The following RBMS1 variants were observed in gnomAD, a reference collection of about 807,000 sequenced individuals.
RBMS1 encodes RNA-binding motif, single-stranded-interacting protein 1.
RBMS1 carries 17 observed loss-of-function variants against 62.3 expected under a neutral mutation model. The ratio of observed to expected loss-of-function variants is 0.27; its 90% confidence interval spans 0.19 to 0.41. The LOEUF is 0.41. Among genes scored for constraint, RBMS1 ranks in the 10% least tolerant of loss-of-function variants. The pLI is 1.00. For missense variants in RBMS1, 334 were observed against 504.5 expected, an observed-to-expected ratio of 0.66 and a Z score of 3.24; for synonymous variants, 172 against 170.0, an observed-to-expected ratio of 1.01 and a Z score of -0.09.
chr2:160,455,832 C>T (rs993773908), intron 1 of RBMS1, among the ~76,000 whole-genome samples: 37 of 151,788 alleles, frequency 2.4e-4, no homozygotes, highest in Non-Finnish European at 5.2e-4. Flanking sequence ...TACAGGCGCC[C>T]GCTACCACGC....
intron 1 of RBMS1, among the ~76,000 whole-genome samples, chr2:160,451,757 C>T (rs1048657677): frequency 1.7e-4 from 26 of 151,846 alleles, no homozygotes; most frequent in African/African-American, 9.7e-5. Flanking sequence ...TACAGGTGTG[C>T]GCCACCACTC....
At chr2:160,422,194 T>G (rs576595330) in intron 1 of RBMS1, among the ~76,000 whole-genome samples, 1 of 152,380 alleles carries the variant, frequency 6.6e-6, no homozygotes, top group African/African-American at 2.4e-5. Flanking sequence ...ATTTACCTTC[T>G]TCTAATGCCC....
chr2:160,358,428 T>C (rs1186446450), intron 2 of RBMS1, among the ~76,000 whole-genome samples: 1 of 152,130 alleles, frequency 6.6e-6, no homozygotes. Context: ...TAAGCCCTCA[T>C]TGTGTCATTT....
intron 13 of RBMS1, among the ~76,000 whole-genome samples, chr2:160,275,144 G>A (rs945077974): frequency 1.3e-5 from 2 of 152,194 alleles, no homozygotes; most frequent in Non-Finnish European, 2.9e-5. Flanking sequence ...GCATGGTAAA[G>A]TGAAAAGTTT....
chr2:160,392,780 T>C (rs2105215101), intron 1 of RBMS1, among the ~76,000 whole-genome samples: 1 of 152,108 alleles, frequency 6.6e-6, no homozygotes, highest in East Asian at 1.9e-4. Context: ...CGGTCCCAGC[T>C]ATTTGGGTGG....
intron 6 of RBMS1, among the ~76,000 whole-genome samples, chr2:160,299,512 G>GA (rs75420706): frequency 0.26 from 38,626 of 149,944 alleles, 5,534 homozygotes; most frequent in East Asian, 0.53. Flanking sequence ...CGGCTTTGCT[G>GA]AAAAAAAAAA....
chr2:160,308,266 G>A (rs1452247106), intron 4 of RBMS1, among the ~76,000 whole-genome samples: 2 of 151,996 alleles, frequency 1.3e-5, no homozygotes, highest in Non-Finnish European at 2.9e-5. Context: ...GTGGTAGTGC[G>A]TGCCTGTAGT....
intron 1 of RBMS1, among the ~76,000 whole-genome samples, chr2:160,386,686 G>A (rs1694596419): frequency 6.6e-6 from 1 of 152,136 alleles, no homozygotes; most frequent in South Asian, 2.1e-4. Flanking sequence ...GCAGTCAGCA[G>A]TCTACCACCC....
At chr2:160,383,127 C>G (rs895828654) in intron 1 of RBMS1, among the ~76,000 whole-genome samples, 2 of 152,118 alleles carry the variant, frequency 1.3e-5, no homozygotes, top group Admixed American at 1.3e-4. Context: ...AACAGAAATG[C>G]ATTCTCTCCC....
chr2:160,300,677 A>C lies in RBMS1; in HGVS notation c.614T>G (p.Phe205Cys), dbSNP rs568168000. The C allele has an allele frequency of 6.2e-7, 1 of 1,603,356 alleles. No individual in the cohort carries two copies. The highest frequency in any genetic ancestry group is 1.1e-5 in the South Asian group (1 of 88,096). Reference sequence around the variant, plus strand: ...AGAAACTCCTGGTGGTGTCTTAATAAATTTTCCATTAAAATGACCAATAAC... The same window carrying C: ...AGAAACTCCTGGTGGTGTCTTAATACATTTTCCATTAAAATGACCAATAAC... ...EAVIGHFNGKFIKTPPGVSAP... is the reference protein window; with the variant it reads ...EAVIGHFNGKCIKTPPGVSAP... Residue 205 changes from phenylalanine to cysteine, a missense_variant, in exon 6 of 14, where the codon TTT becomes TGT. Phe to Cys is a radical substitution (Grantham distance 205). This residue lies in a region of RBMS1 where 182 missense variants were observed against 257.7 expected (regional missense o/e 0.71). Coordinates refer to ENST00000348849, the MANE Select transcript of RBMS1 (RefSeq NM_016836.4).
At chr2:160,409,006 T>C (rs997990331) in intron 1 of RBMS1, among the ~76,000 whole-genome samples, 3 of 152,162 alleles carry the variant, frequency 2.0e-5, no homozygotes, top group Non-Finnish European at 4.4e-5. Flanking sequence ...AAATCCTAAC[T>C]TGTCTAAAAA....
chr2:160,444,154 G>A (rs553663140), intron 1 of RBMS1, among the ~76,000 whole-genome samples: 17 of 152,254 alleles, frequency 1.1e-4, no homozygotes, highest in Middle Eastern at 3.4e-3. Flanking sequence ...GTGTGTGTGC[G>A]TATAAGAGTT....
intron 1 of RBMS1, among the ~76,000 whole-genome samples, chr2:160,454,601 G>A (rs1022545219): frequency 6.6e-6 from 1 of 152,042 alleles, no homozygotes; most frequent in African/African-American, 2.4e-5. Flanking sequence ...AGGTCCTGAG[G>A]CAGGAAGGAT....
intron 1 of RBMS1, among the ~76,000 whole-genome samples, chr2:160,391,265 A>G (rs1694851770): frequency 6.6e-6 from 1 of 150,866 alleles, no homozygotes; most frequent in Non-Finnish European, 1.5e-5. Context: ...ACAGACAGGC[A>G]GGCACACAGA....
chr2:160,308,721 G>C (rs1229289339), intron 4 of RBMS1, among the ~76,000 whole-genome samples: 5 of 152,092 alleles, frequency 3.3e-5, no homozygotes, highest in Non-Finnish European at 5.9e-5. Context: ...TGGAGGAAGG[G>C]GTCCTTTTCC....
chr2:160,396,557 T>C (rs1349366137), intron 1 of RBMS1, among the ~76,000 whole-genome samples: 7 of 29,364 alleles, frequency 2.4e-4, no homozygotes, highest in Admixed American at 5.3e-4. Flanking sequence ...TATCTTTTTT[T>C]TTTTTTTTTT....
chr2:160,390,638 G>A (rs1694811446), intron 1 of RBMS1, among the ~76,000 whole-genome samples: 1 of 148,734 alleles, frequency 6.7e-6, no homozygotes. Context: ...TGAGGCTGCA[G>A]TGAGCCATGT....
intron 1 of RBMS1, chr2:160,407,880 T>A: frequency 1.0e-6 from 1 of 980,736 alleles, no homozygotes; most frequent in Non-Finnish European, 1.2e-6. Context: ...CGTCCCCACC[T>A]ACCGCGGCCT....
intron 1 of RBMS1, among the ~76,000 whole-genome samples, chr2:160,449,269 C>T (rs555670712): frequency 7.2e-4 from 110 of 151,964 alleles, no homozygotes; most frequent in Middle Eastern, 3.4e-3. Context: ...TCTGCCCAGC[C>T]GCCCCGTCTG....
Sources: allele counts gnomAD v4.1 joint callset (sites outside exome capture counted in the v4.1 genomes callset), GRCh38; gene constraint gnomAD v4.1.1; regional missense constraint gnomAD v4.1.1; transcripts MANE v1.5; gene names NCBI Gene and HGNC (gene_info 2026-07-23, HGNC 2026-07-21).